Variants in MYO1D observed in about 807,000 individuals in gnomAD.
MYO1D encodes the protein myosin ID, also known as unconventional myosin-Id.
In MYO1D, 83 loss-of-function variants were observed where a neutral mutation model predicts 122.0. That is an observed-to-expected ratio of 0.68 (90% confidence interval 0.57 to 0.82). The LOEUF (loss-of-function observed/expected upper bound fraction) is 0.82, where lower values mean the gene tolerates loss of function less well. Ranked by LOEUF, MYO1D falls within the 40% of genes least tolerant of loss-of-function variation. MYO1D has a pLI of 0.00. For synonymous variants in MYO1D, 464 were observed against 446.9 expected (o/e 1.04, Z -0.48); for missense variants, 1,157 against 1,269.5 (o/e 0.91, Z 1.35).
chr17:32,811,938 C>T (rs1319882523), intron 1 of MYO1D, among the ~76,000 whole-genome samples: 1 of 152,128 alleles, frequency 6.6e-6, no homozygotes, highest in East Asian at 1.9e-4. Flanking sequence ...TGGAAGGCAC[C>T]TGGGTCCTTG....
chr17:32,594,827 GTGGTTGCAAAGTC>G (rs548848164), intron 21 of MYO1D, among the ~76,000 whole-genome samples: 36 of 152,268 alleles, frequency 2.4e-4, no homozygotes, highest in Admixed American at 3.9e-4. Context: ...GACTCTAGTT[GTGGTTGCAAAGTC>G]TTCTACTTAT....
In MYO1D at chr17:32,821,417, A is replaced by AAATTT. The variant is rs540583958; in HGVS notation, c.96-40638_96-40634dup. Among the ~76,000 whole-genome samples, 265 of 152,334 alleles carry AAATTT rather than the reference A, an allele frequency of 1.7e-3. 1 individual carries two copies. Among genetic ancestry groups the AAATTT allele is most frequent in the African/African-American group, 6.1e-3 (253 of 41,572 alleles). ...AAATGAATGAATACATATGTACATA[A>AAATTT]AATTTAATTTAGTTTTAGGAATTAC... On this transcript the variant is annotated intron_variant, in intron 1 of 21. Coordinates refer to ENST00000318217, the MANE Select transcript of MYO1D (RefSeq NM_015194.3).
intron 21 of MYO1D, among the ~76,000 whole-genome samples, chr17:32,553,113 A>AC (rs1010152739): frequency 6.6e-6 from 1 of 151,534 alleles, no homozygotes; most frequent in African/African-American, 2.4e-5. Flanking sequence ...CAAAAAAAAA[A>AC]ACAAAAAAAC....
At chr17:32,744,056 C>T (rs535890568) in intron 13 of MYO1D, among the ~76,000 whole-genome samples, 2 of 152,144 alleles carry the variant, frequency 1.3e-5, no homozygotes, top group Non-Finnish European at 2.9e-5. Context: ...AATTCCAACG[C>T]TTCCCTTCAT....
At position 32,599,849 on chromosome 17, in the gene MYO1D, C is replaced by T. The variant is rs186087235; in HGVS notation, c.2864+5238G>A. Among the ~76,000 whole-genome samples, 72 of 152,268 alleles carry T rather than the reference C, an allele frequency of 4.7e-4. 1 individual carries two copies. In the Middle Eastern group the frequency reaches 0.014, roughly 29 times the overall value. On this transcript the variant is annotated intron_variant, in intron 21 of 21. Coordinates refer to ENST00000318217, the MANE Select transcript of MYO1D (RefSeq NM_015194.3). The stretch of plus-strand genomic sequence containing the variant: ...TGTATTTTTAGTAGAGACAGGGTTT[C>T]ACCATGTTGGCCAGGCTGGTCTCAA...
chr17:32,543,312 C>T (rs1910903115), intron 21 of MYO1D, among the ~76,000 whole-genome samples: 1 of 151,688 alleles, frequency 6.6e-6, no homozygotes, highest in African/African-American at 2.4e-5. Context: ...TGTGGTGGCT[C>T]ACACCTGTAA....
At chr17:32,536,814 T>C (rs954130771) in intron 21 of MYO1D, among the ~76,000 whole-genome samples, 2 of 152,246 alleles carry the variant, frequency 1.3e-5, no homozygotes, top group Non-Finnish European at 2.9e-5. Flanking sequence ...TACTGATTCC[T>C]TTTAAGCTTT....
intron 1 of MYO1D, among the ~76,000 whole-genome samples, chr17:32,855,201 A>T (rs192403911): frequency 6.6e-6 from 1 of 152,134 alleles, no homozygotes; most frequent in African/African-American, 2.4e-5. Flanking sequence ...TTTTAAAAAC[A>T]CACTTTTATT....
At chr17:32,694,902 C>G (rs1049920716) in intron 16 of MYO1D, among the ~76,000 whole-genome samples, 2 of 152,020 alleles carry the variant, frequency 1.3e-5, no homozygotes, top group Non-Finnish European at 2.9e-5. Context: ...GTCAGTGATA[C>G]CAGCTATCCA....
Position 32,815,982 on chromosome 17 carries a change from A to AACCT in MYO1D, c.96-35202_96-35199dup, listed in dbSNP as rs1361049834. On this transcript the variant is annotated intron_variant, in intron 1 of 21. Coordinates refer to ENST00000318217, the MANE Select transcript of MYO1D (RefSeq NM_015194.3). ...TATAAACAAATCCTTTATCCATGGT[A>AACCT]ACCTAGTAGCAACTAACTGATCTGA... 3.3e-5 allele frequency among the ~76,000 whole-genome samples: 5 copies of AACCT among 152,232 alleles called. No individual in the cohort carries two copies. The East Asian group carries it at 7.7e-4, about 23-fold the overall frequency.
At chr17:32,635,683 A>G (rs945107740) in intron 20 of MYO1D, among the ~76,000 whole-genome samples, 13 of 151,684 alleles carry the variant, frequency 8.6e-5, no homozygotes, top group Admixed American at 7.2e-4. Flanking sequence ...ACAGAGCAAG[A>G]CTCCGTCTCG....
intron 8 of MYO1D, among the ~76,000 whole-genome samples, chr17:32,764,296 G>A (rs1286004728): frequency 2.6e-5 from 4 of 152,190 alleles, no homozygotes; most frequent in African/African-American, 4.8e-5. Flanking sequence ...AGTGTGAGAC[G>A]TTAGTCAAAG....
intron 20 of MYO1D, among the ~76,000 whole-genome samples, chr17:32,633,519 G>A (rs321183): frequency 0.5 from 76,246 of 151,750 alleles, 20,102 homozygotes; most frequent in African/African-American, 0.66. Flanking sequence ...CCCCTTCATA[G>A]ATAGCTTGCT....
intron 1 of MYO1D, among the ~76,000 whole-genome samples, chr17:32,811,430 C>T (rs1351700445): frequency 6.6e-6 from 1 of 152,198 alleles, no homozygotes; most frequent in Non-Finnish European, 1.5e-5. Context: ...ATCCCCGCTA[C>T]TCCAGCCCCA....
chr17:32,592,195 A>G (rs545708431), intron 21 of MYO1D, among the ~76,000 whole-genome samples: 1 of 152,350 alleles, frequency 6.6e-6, no homozygotes, highest in East Asian at 1.9e-4. Context: ...AGAATGGTTT[A>G]GCACCAGGTT....
intron 20 of MYO1D, among the ~76,000 whole-genome samples, chr17:32,618,915 G>A (rs1252947719): frequency 6.6e-6 from 1 of 152,126 alleles, no homozygotes; most frequent in Non-Finnish European, 1.5e-5. Flanking sequence ...GATTACAGGC[G>A]TGAGTCACTG....
intron 16 of MYO1D, among the ~76,000 whole-genome samples, chr17:32,679,802 C>T (rs1210072950): frequency 2.0e-5 from 3 of 151,386 alleles, no homozygotes; most frequent in Admixed American, 1.3e-4. Context: ...TGAAGAAAGT[C>T]GTTGGTAGCT....
intron 21 of MYO1D, among the ~76,000 whole-genome samples, chr17:32,552,288 G>A (rs2087022736): frequency 6.6e-6 from 1 of 152,124 alleles, no homozygotes; most frequent in African/African-American, 2.4e-5. Flanking sequence ...TATTGCCCAG[G>A]CTGGTCTTGA....
At chr17:32,542,949 G>A (rs983871085) in intron 21 of MYO1D, among the ~76,000 whole-genome samples, 2 of 152,160 alleles carry the variant, frequency 1.3e-5, no homozygotes, top group African/African-American at 2.4e-5. Context: ...TATCTGGGCC[G>A]GGCACGGTGG....
Sources: allele counts gnomAD v4.1 joint callset (sites outside exome capture counted in the v4.1 genomes callset), GRCh38; gene constraint gnomAD v4.1.1; transcripts MANE v1.5; gene names NCBI Gene and HGNC (gene_info 2026-07-23, HGNC 2026-07-21).